B4GALT7: variants seen among roughly 807,000 people sequenced by gnomAD.
B4GALT7 encodes the protein beta-1,4-galactosyltransferase 7, also known as UDP-Gal:beta-GlcNAc beta-1,4-galactosyltransferase 7.
In B4GALT7, 30 loss-of-function variants were observed where a neutral mutation model predicts 33.0. The ratio of observed to expected loss-of-function variants is 0.91; its 90% CI spans 0.68 to 1.23. B4GALT7 has a LOEUF of 1.23. Among genes scored for constraint, B4GALT7 ranks in the 50% most tolerant of loss-of-function variants. B4GALT7 has a pLI of 0.00. For missense variants in B4GALT7, 507 were observed against 450.8 expected, an observed-to-expected ratio of 1.12 and a Z score of -1.13; for synonymous variants, 213 against 187.2, an observed-to-expected ratio of 1.14 and a Z score of -1.13.
In B4GALT7 at chr5:177,608,700, C is replaced by A; in HGVS notation, c.723+78C>A. On this transcript the variant is annotated intron_variant, in intron 4 of 5. Transcript: ENST00000029410. This position sits in a 1 kb window ranked among gnomAD's most constrained non-coding sequence, Gnocchi z 4.1. ...TTTTCTTCTGTTTCCTCAGATGAAGCTCCTGGGGTCTGGAGATGGCCCTGA... is the reference window on the plus strand; with the variant it reads ...TTTTCTTCTGTTTCCTCAGATGAAGATCCTGGGGTCTGGAGATGGCCCTGA... The A allele has an allele frequency of 7.2e-7, 1 of 1,391,884 alleles. No individual in the cohort carries two copies. Among genetic ancestry groups the A allele is most frequent in the Non-Finnish European group, 1.0e-6 (1 of 992,354 alleles). The allele number at this position is 1,391,884 out of a possible 1,614,324, so 86.2% of individuals were successfully genotyped here.
In B4GALT7 at chr5:177,608,569, T is replaced by TGGGGCC; in HGVS notation, c.672_677dup (p.Gly225_Arg226dup). 2.5e-6 allele frequency: 4 copies of TGGGGCC among 1,613,630 alleles called. No individual in the cohort carries two copies. Among genetic ancestry groups the TGGGGCC allele is most frequent in the Non-Finnish European group, 3.4e-6 (4 of 1,179,944 alleles). On this transcript the variant is annotated inframe_insertion, in exon 4 of 6. Transcript: ENST00000029410. The surrounding 1 kb of genome is among the most constrained non-coding windows in gnomAD (Gnocchi z 4.1). ...TGGGATGTCCAACCGCTTCTGGGGC[T>TGGGGCC]GGGGCCGCGAGGACGACGAGTTCTA... is the stretch of plus-strand genomic sequence containing the variant.
Position 177,609,637 on chromosome 5 carries a change from T to C in B4GALT7, c.926T>C (p.Val309Ala). 1 of 1,613,900 alleles carries C rather than the reference T, an allele frequency of 6.2e-7. No homozygotes were observed. The highest frequency in any genetic ancestry group is 8.5e-7 in the Non-Finnish European group (1 of 1,180,002). ...TCTGTGGGCGGGGCCCCCTGCACTG[T>C]CCTCAACATCATGTTGGACTGTGAC... The part of the protein sequence containing the change: ...ALSVGGAPCT[V>A]LNIMLDCDKT... The change falls in exon 6 of 6, where the codon GTC (valine) becomes GCC (alanine). Residue 309 changes from valine to alanine, a missense_variant. Val to Ala is a moderately conservative substitution (Grantham distance 64, BLOSUM62 0). Transcript: ENST00000029410.
At chr5:177,605,490 G>A (rs1452664933) in intron 2 of B4GALT7, among the ~76,000 whole-genome samples, 3 of 152,146 alleles carry the variant, frequency 2.0e-5, no homozygotes, top group Non-Finnish European at 2.9e-5. Context: ...CATAGCTGAC[G>A]ACTTTGCTTC....
In B4GALT7 at chr5:177,608,903, TC is replaced by T; in HGVS notation, c.724-4del. ...AGCCTGACCCCGACTTCCTTGGACC[TC>T]CCTAGCTTTTCCGCCCCTCGGGAAT... On this transcript the variant is annotated splice_region_variant and splice_polypyrimidine_tract_variant and intron_variant, in intron 4 of 5. Coordinates refer to ENST00000029410, the MANE Select transcript of B4GALT7 (RefSeq NM_007255.3). This position sits in a 1 kb window ranked among gnomAD's most constrained non-coding sequence, Gnocchi z 4.1. 1 of 1,612,552 alleles carries T rather than the reference TC, an allele frequency of 6.2e-7. No homozygotes were observed. Among genetic ancestry groups the T allele is most frequent in the Non-Finnish European group, 8.5e-7 (1 of 1,179,138 alleles).
At chr5:177,605,002 G>C (rs1458033315) in intron 2 of B4GALT7, 6 of 456,190 alleles carry the variant, frequency 1.3e-5, no homozygotes, top group Non-Finnish European at 2.6e-5. Flanking sequence ...CATGACCACA[G>C]CCTGAGATCT....
At position 177,600,355 on chromosome 5, in the gene B4GALT7, C is replaced by G; in HGVS notation, c.50+95C>G. On this transcript the variant is annotated intron_variant, in intron 1 of 5. Transcript: ENST00000029410. This position sits in a 1 kb window ranked among gnomAD's most constrained non-coding sequence, Gnocchi z 4.4. ...CTGGGAACCCGAGGCCATCACGTCTCCATGTCTGCGGGTTTCTGTGAGGGC... is the reference window on the plus strand; with the variant it reads ...CTGGGAACCCGAGGCCATCACGTCTGCATGTCTGCGGGTTTCTGTGAGGGC... The G allele has an allele frequency of 9.5e-7, 1 of 1,050,448 alleles. No homozygotes were observed. The highest frequency in any genetic ancestry group is 1.2e-6 in the Non-Finnish European group (1 of 817,412). The allele number at this position is 1,050,448 out of a possible 1,614,324, so 65.1% of individuals were successfully genotyped here.
At position 177,609,466 on chromosome 5, in the gene B4GALT7, G is replaced by A. The variant is rs917827645; in HGVS notation, c.829-74G>A. On this transcript the variant is annotated intron_variant, in intron 5 of 5. Transcript: ENST00000029410. ...GGGACCACAGGACCTCTGATGGCGA[G>A]GTTGTGTGGGGTCAGTGGGTAGCTG... The A allele has an allele frequency of 6.4e-6, 10 of 1,572,932 alleles. No homozygotes were observed. The African/African-American group carries it at 1.2e-4, about 19-fold the overall frequency.
intron 1 of B4GALT7, chr5:177,601,471 G>T (rs1767840801): frequency 6.6e-6 from 1 of 152,264 alleles, no homozygotes; most frequent in African/African-American, 2.4e-5. Context: ...AAACCTCGTA[G>T]TACGAAGGTC....
rs879046377 is a variant in B4GALT7 at position 177,608,465 on chromosome 5, C to T, written c.640-74C>T. The stretch of plus-strand genomic sequence containing the variant: ...AGAGGCGCTGGGGGAGAGGGGCACT[C>T]CCGAGCGGTAGGAGACCAAAGGCCC... On this transcript the variant is annotated intron_variant, in intron 3 of 5. Transcript: ENST00000029410. The surrounding 1 kb of genome is among the most constrained non-coding windows in gnomAD (Gnocchi z 4.1). The T allele has an allele frequency of 5.0e-6, 7 of 1,392,802 alleles. No individual in the cohort carries two copies. In the South Asian group the frequency reaches 5.8e-5, roughly 12 times the overall value. The allele number at this position is 1,392,802 out of a possible 1,614,324, so 86.3% of individuals were successfully genotyped here. A position where few individuals can be genotyped will look rare whatever the true frequency, so the allele number is the denominator to read the frequency against.
At position 177,600,711 on chromosome 5, in the gene B4GALT7, T is replaced by C. The variant is rs908328771; in HGVS notation, c.50+451T>C. Among the ~76,000 whole-genome samples, 1 of 152,038 alleles carries C rather than the reference T, an allele frequency of 6.6e-6. No homozygotes were observed. Among genetic ancestry groups the C allele is most frequent in the Admixed American group, 6.6e-5 (1 of 15,258 alleles). On this transcript the variant is annotated intron_variant, in intron 1 of 5. Coordinates refer to ENST00000029410, the MANE Select transcript of B4GALT7 (RefSeq NM_007255.3). The surrounding 1 kb of genome is among the most constrained non-coding windows in gnomAD (Gnocchi z 4.4). ...CTGATCCCTGAGGACGTGTATTCCG[T>C]TTCTCTGGTCTCTGCCTTCCTCATC...
rs775059052 is a variant in B4GALT7, at chr5:177,607,356, G to A, written c.468G>A (p.Thr156=). 12 of 1,613,840 alleles carry A rather than the reference G, an allele frequency of 7.4e-6. No homozygotes were observed. Among genetic ancestry groups the A allele is most frequent in the East Asian group, 4.5e-5 (2 of 44,888 alleles). The change falls in exon 3 of 6, where the codon ACG becomes ACA. Residue 156 remains threonine (T), a synonymous_variant. Coordinates refer to ENST00000029410, the MANE Select transcript of B4GALT7 (RefSeq NM_007255.3). ...GCTTCCTGGAGAGCAGCAACAGCAC[G>A]GACTACATTGCCATGCACGACGTTG... ...NVGFLESSNS[T]DYIAMHDVDL...
At chr5:177,601,283 C>T (rs1249425997) in intron 1 of B4GALT7, 8 of 152,164 alleles carry the variant, frequency 5.3e-5, no homozygotes, top group African/African-American at 9.7e-5. Context: ...TCTGTCCGAC[C>T]GCAGCCTTTC....
chr5:177,607,655 T>G lies in B4GALT7; in HGVS notation c.639+128T>G, dbSNP rs2127513455. 4.3e-6 allele frequency: 4 copies of G among 921,532 alleles called. No individual in the cohort carries two copies. The Middle Eastern group carries it at 8.5e-4, about 197-fold the overall frequency. 57.1% of individuals were successfully genotyped at this position (921,532 alleles called of 1,614,324 possible). On this transcript the variant is annotated intron_variant, in intron 3 of 5. Coordinates refer to ENST00000029410, the MANE Select transcript of B4GALT7 (RefSeq NM_007255.3). ...CCTGCCCTGGCCTAGCAGGAGAACTTGGGAGCAGCCAGAGTGCGAAGAGCA... is the reference window on the plus strand; with the variant it reads ...CCTGCCCTGGCCTAGCAGGAGAACTGGGGAGCAGCCAGAGTGCGAAGAGCA...
At chr5:177,602,859 G>C in intron 1 of B4GALT7, 2 of 964,150 alleles carry the variant, frequency 2.1e-6, no homozygotes, top group Non-Finnish European at 2.4e-6. Flanking sequence ...GATCAGAGGG[G>C]GACTTAGGAG....
Position 177,608,812 on chromosome 5 carries a change from G to A in B4GALT7, c.724-98G>A. ...CCCCAGTCTCCTCTCCTGCAGGCTG[G>A]GAGTGCAGGTCCCTTCCTGTGGGAC... On this transcript the variant is annotated intron_variant, in intron 4 of 5. Transcript: ENST00000029410. This position sits in a 1 kb window ranked among gnomAD's most constrained non-coding sequence, Gnocchi z 4.1. The A allele has an allele frequency of 8.3e-7, 1 of 1,205,854 alleles. No individual in the cohort carries two copies. Among genetic ancestry groups the A allele is most frequent in the Non-Finnish European group, 1.2e-6 (1 of 818,158 alleles). 74.7% of individuals were successfully genotyped at this position (1,205,854 alleles called of 1,614,324 possible).
At position 177,609,017 on chromosome 5, in the gene B4GALT7, G is replaced by T; in HGVS notation, c.828+3G>T. Reference sequence around the variant, plus strand: ...AGCGCATCGCAGCTCAAAAACAGGTGCTGGCAGGGCTCCTCATTGGGGACA... The same window carrying T: ...AGCGCATCGCAGCTCAAAAACAGGTTCTGGCAGGGCTCCTCATTGGGGACA... On this transcript the variant is annotated splice_donor_region_variant and intron_variant, in intron 5 of 5. Transcript: ENST00000029410. 1.2e-6 allele frequency: 2 copies of T among 1,608,602 alleles called. No individual in the cohort carries two copies. The highest frequency in any genetic ancestry group is 1.7e-6 in the Non-Finnish European group (2 of 1,178,816).
Position 177,606,349 on chromosome 5 carries a change from C to G in B4GALT7, c.414-953C>G, listed in dbSNP as rs1291782438. The G allele has an allele frequency of 6.6e-6, 1 of 152,500 alleles. No homozygotes were observed. Among genetic ancestry groups the G allele is most frequent in the Non-Finnish European group, 1.5e-5 (1 of 68,326 alleles). The allele number at this position is 152,500 out of a possible 1,614,324, so 9.4% of individuals were successfully genotyped here. A position where few individuals can be genotyped will look rare whatever the true frequency, so the allele number is the denominator to read the frequency against. The stretch of plus-strand genomic sequence containing the variant: ...CCTGCCCCAAACCTGTAGCTCTGTC[C>G]TCTTCTCCATGGGAATGGAAGCTCT... On this transcript the variant is annotated intron_variant, in intron 2 of 5. Coordinates refer to ENST00000029410, the MANE Select transcript of B4GALT7 (RefSeq NM_007255.3). The surrounding 1 kb of genome is among the most constrained non-coding windows in gnomAD (Gnocchi z 4.2).
intron 1 of B4GALT7, among the ~76,000 whole-genome samples, chr5:177,602,593 AAAG>A (rs1203480212): frequency 2.0e-5 from 3 of 152,096 alleles, no homozygotes; most frequent in East Asian, 3.9e-4. Flanking sequence ...TCAGGCAGAT[AAAG>A]AAGGACATTT....
intron 1 of B4GALT7, among the ~76,000 whole-genome samples, chr5:177,601,701 G>T (rs1295609852): frequency 6.6e-6 from 1 of 152,222 alleles, no homozygotes; most frequent in African/African-American, 2.4e-5. Flanking sequence ...GTCTTGGGCA[G>T]TGATTGATGA....
Sources: allele counts gnomAD v4.1 joint callset (sites outside exome capture counted in the v4.1 genomes callset), GRCh38; gene constraint gnomAD v4.1.1; non-coding constraint Gnocchi (gnomAD v3.1); transcripts MANE v1.5; gene names NCBI Gene and HGNC (gene_info 2026-07-23, HGNC 2026-07-21).